STS: variants seen among roughly 807,000 people sequenced by gnomAD.
The protein encoded by STS is steryl-sulfatase.
Under a neutral mutation model 26.8 loss-of-function variants are expected in STS, and 7 were observed. The ratio of observed to expected loss-of-function variants is 0.26; its 90% confidence interval spans 0.15 to 0.49. The LOEUF (loss-of-function observed/expected upper bound fraction) is 0.49, where lower values mean the gene tolerates loss of function less well. Ranked by LOEUF, STS falls within the 20% of genes least tolerant of loss-of-function variation. The probability of loss-of-function intolerance (pLI) is 0.98; values close to 1 mark genes in which losing one functional copy is unlikely to be tolerated. For synonymous variants in STS, 199 were observed against 189.4 expected (o/e 1.05, Z -0.42); for missense variants, 434 against 465.6 (o/e 0.93, Z 0.63).
chrX:7,207,066 T>G (rs1920955441), intron 2 of STS, among the ~76,000 whole-genome samples: 2 of 111,372 alleles, frequency 1.8e-5, no homozygotes, highest in Non-Finnish European at 3.8e-5. Flanking sequence ...AAAAGTCACT[T>G]GTCATCTCAA....
At chrX:7,285,239 C>T (rs1389054122) in intron 7 of STS, among the ~76,000 whole-genome samples, 1 of 111,572 alleles carries the variant, frequency 9.0e-6, no homozygotes, top group Non-Finnish European at 1.9e-5. Context: ...GTCTGTCTTA[C>T]ATACTATGCT....
At chrX:7,340,363 C>G (rs1928228369) in intron 10 of STS, among the ~76,000 whole-genome samples, 1 of 112,100 alleles carries the variant, frequency 8.9e-6, no homozygotes. Flanking sequence ...CATTTTAGTT[C>G]TAACCAGGGC....
intron 2 of STS, among the ~76,000 whole-genome samples, chrX:7,241,575 A>G (rs1922621859): frequency 8.9e-6 from 1 of 112,294 alleles, no homozygotes; most frequent in African/African-American, 3.2e-5. Context: ...TTCTTAAAAT[A>G]AGTTCAACAT....
chrX:7,256,989 C>A (rs1270883293), intron 3 of STS, among the ~76,000 whole-genome samples: 1 of 112,044 alleles, frequency 8.9e-6, no homozygotes, highest in East Asian at 2.8e-4. Context: ...CAGTGGCTCA[C>A]GCCTGTAATC....
At chrX:7,189,006 C>T (rs773455962) in intron 1 of STS, among the ~76,000 whole-genome samples, 7 of 111,189 alleles carry the variant, frequency 6.3e-5, no homozygotes, top group African/African-American at 9.8e-5. Flanking sequence ...GTTTCAAATG[C>T]CATCTCTGGG....
At chrX:7,341,272 C>T (rs1010060576) in intron 10 of STS, among the ~76,000 whole-genome samples, 2 of 111,604 alleles carry the variant, frequency 1.8e-5, no homozygotes, top group Admixed American at 1.9e-4. Flanking sequence ...GATTCCTCCA[C>T]CTAACCGTGT....
intron 1 of STS, among the ~76,000 whole-genome samples, chrX:7,165,556 G>A (rs1432632154): frequency 1.8e-5 from 2 of 111,267 alleles, no homozygotes; most frequent in South Asian, 3.9e-4. Flanking sequence ...TGAAGTAGGA[G>A]GATCCCTTGA....
Position 7,325,458 on chromosome X carries a change from A to T in STS, c.1201A>T (p.Thr401Ser). ...EPTSNMDIFP[T>S]VAKLAGAPLP... The stretch of plus-strand genomic sequence containing the variant: ...CACTAGCAACATGGACATATTTCCT[A>T]CAGTAGCCAAGCTGGCTGGAGCTCC... Residue 401 changes from threonine to serine, a missense_variant, in exon 9 of 11, where the codon ACA becomes TCA. Transcript: ENST00000674429. 1 of 1,211,202 alleles carries T rather than the reference A, an allele frequency of 8.3e-7. No individual in the cohort carries two copies. The highest frequency in any genetic ancestry group is 1.1e-6 in the Non-Finnish European group (1 of 895,331).
rs771077779 is a variant in STS at position 7,312,032 on chromosome X, A to G, written c.1081+6849A>G. ...ACAGAGCAAGACCCTGTCTCAAACA[A>G]ACAAACAAACAAACAGAACAAAAAA... On this transcript the variant is annotated intron_variant, in intron 8 of 10. Transcript: ENST00000674429. Among the ~76,000 whole-genome samples, 3 of 111,538 alleles carry G rather than the reference A, an allele frequency of 2.7e-5. No individual in the cohort carries two copies. The East Asian group carries it at 8.6e-4, about 32-fold the overall frequency.
At chrX:7,237,267 C>T (rs755433592) in intron 2 of STS, among the ~76,000 whole-genome samples, 4 of 105,622 alleles carry the variant, frequency 3.8e-5, no homozygotes, top group South Asian at 8.3e-4. Context: ...CAACAAAACA[C>T]GAAGGCCTTT....
chrX:7,189,872 G>A (rs1190219361), intron 1 of STS, among the ~76,000 whole-genome samples: 1 of 111,288 alleles, frequency 9.0e-6, no homozygotes, highest in Non-Finnish European at 1.9e-5. Flanking sequence ...TTCATACAGG[G>A]TAATGAAGGA....
chrX:7,323,696 C>G (rs903734742), intron 8 of STS, among the ~76,000 whole-genome samples: 41 of 111,715 alleles, frequency 3.7e-4, no homozygotes, highest in African/African-American at 1.1e-3. Flanking sequence ...GTAAAGGTAT[C>G]TTTTTGGTAG....
chrX:7,292,160 G>A (rs991444499), intron 7 of STS, among the ~76,000 whole-genome samples: 64 of 112,813 alleles, frequency 5.7e-4, no homozygotes, highest in Non-Finnish European at 6.7e-4. Flanking sequence ...AAGGAGAGAC[G>A]TGAAATGACA....
chrX:7,286,444 A>C (rs1231941470), intron 7 of STS, among the ~76,000 whole-genome samples: 3 of 111,068 alleles, frequency 2.7e-5, no homozygotes, highest in East Asian at 5.7e-4. Flanking sequence ...GAAATTGCAG[A>C]TAGACAGTAT....
At chrX:7,251,332 A>G (rs1053956284) in intron 2 of STS, among the ~76,000 whole-genome samples, 1 of 112,121 alleles carries the variant, frequency 8.9e-6, no homozygotes, top group Admixed American at 9.5e-5. Context: ...ATTCCTGAGC[A>G]AGGGAATGGC....
At chrX:7,253,005 G>A (rs774387079) in intron 2 of STS, among the ~76,000 whole-genome samples, 191 bp from the exon 3 acceptor site, 3 of 111,036 alleles carry the variant, frequency 2.7e-5, no homozygotes, top group Admixed American at 9.6e-5. Flanking sequence ...ACAAAAATTA[G>A]CTGGGTGTGG....
At chrX:7,241,070 T>C (rs1428297480) in intron 2 of STS, among the ~76,000 whole-genome samples, 1 of 111,442 alleles carries the variant, frequency 9.0e-6, no homozygotes, top group Non-Finnish European at 1.9e-5. Flanking sequence ...GTCAGACTTT[T>C]GCATGGAAAA....
chrX:7,316,063 G>A (rs1277667190), intron 8 of STS, among the ~76,000 whole-genome samples: 1 of 111,757 alleles, frequency 8.9e-6, no homozygotes, highest in Non-Finnish European at 1.9e-5. Context: ...GGACATTTTC[G>A]TGGGACTCAG....
At chrX:7,287,583 C>T (rs767946648) in intron 7 of STS, among the ~76,000 whole-genome samples, 16 of 111,180 alleles carry the variant, frequency 1.4e-4, no homozygotes, top group Non-Finnish European at 2.8e-4. Context: ...TTCACCATTT[C>T]GATTTTCATT....
Sources: allele counts gnomAD v4.1 joint callset (sites outside exome capture counted in the v4.1 genomes callset), GRCh38; gene constraint gnomAD v4.1.1; transcripts MANE v1.5; gene names NCBI Gene and HGNC (gene_info 2026-07-23, HGNC 2026-07-21).